Variants in SDK1 observed in about 807,000 individuals in gnomAD.
SDK1 encodes the protein protein sidekick-1.
Under a neutral mutation model 245.5 loss-of-function variants are expected in SDK1, and 157 were observed. The ratio of observed to expected loss-of-function variants is 0.64; its 90% CI spans 0.56 to 0.73. The LOEUF is 0.73. Ranked by LOEUF, SDK1 falls within the 30% of genes least tolerant of loss-of-function variation. The pLI is 0.00. For missense variants in SDK1, 3,583 were observed against 3,002.3 expected (o/e 1.19, Z -4.52); for synonymous variants, 1,647 against 1,278.5 (o/e 1.29, Z -6.15).
rs1267031373 is a variant in SDK1, at chr7:3,582,081, TCAGGTAGGCCTGTCTCAGGTAGGTCTCCC to T, written c.299-36998_299-36970del. Among the ~76,000 whole-genome samples the T allele has an allele frequency of 2.1e-5, 3 of 145,510 alleles. No individual in the cohort carries two copies. The East Asian group carries it at 6.1e-4, about 30-fold the overall frequency. ...TAGGCCTGTCTCAGGTAGGTCTCCCTCAGGTAGGCCTGTCTCAGGTAGGTCTCCCTCAGGTAGGCCTGTCTCAGGTAGGT... is the reference window on the plus strand; with the variant it reads ...TAGGCCTGTCTCAGGTAGGTCTCCCTTCAGGTAGGCCTGTCTCAGGTAGGT... On this transcript the variant is annotated intron_variant, in intron 1 of 44. Coordinates refer to ENST00000404826, the MANE Select transcript of SDK1 (RefSeq NM_152744.4).
intron 28 of SDK1, among the ~76,000 whole-genome samples, chr7:4,135,229 G>A (rs1778989664): frequency 6.6e-6 from 1 of 152,184 alleles, no homozygotes; most frequent in Non-Finnish European, 1.5e-5. Context: ...CGCCAGATTT[G>A]GCACCATAAG....
At chr7:3,481,937 C>T (rs1207642862) in intron 1 of SDK1, among the ~76,000 whole-genome samples, 1 of 151,966 alleles carries the variant, frequency 6.6e-6, no homozygotes, top group Admixed American at 6.6e-5. Context: ...ATCAGCCGTC[C>T]TTTATGGAAA....
intron 20 of SDK1, among the ~76,000 whole-genome samples, chr7:4,069,854 C>G (rs1291563586): frequency 2.0e-5 from 3 of 152,178 alleles, no homozygotes; most frequent in Non-Finnish European, 4.4e-5. Flanking sequence ...CGAGGCCTGG[C>G]GATGACAAGG....
chr7:3,876,975 G>A (rs191295917), intron 5 of SDK1, among the ~76,000 whole-genome samples: 1 of 152,318 alleles, frequency 6.6e-6, no homozygotes, highest in Non-Finnish European at 1.5e-5. Context: ...TTTATGCTAA[G>A]ATAAATACCT....
chr7:4,205,886 C>T lies in SDK1; in HGVS notation c.5106C>T (p.Ala1702=). 3 of 1,553,760 alleles carry T rather than the reference C, an allele frequency of 1.9e-6. No individual in the cohort carries two copies. The highest frequency in any genetic ancestry group is 2.6e-6 in the Non-Finnish European group (3 of 1,148,058). The change falls in exon 36 of 45, where the codon GCC becomes GCT. Residue 1702 remains alanine, a synonymous_variant. Transcript: ENST00000404826. Reference sequence around the variant, plus strand: ...GCATTGCTCTTTCCTCAGCCCCGGCCATGGCCCCGCAGAACGTGCAGGTGA... The same window carrying T: ...GCATTGCTCTTTCCTCAGCCCCGGCTATGGCCCCGCAGAACGTGCAGGTGA... ...VEVFVGEAAP[A]MAPQNVQVTP...
At chr7:3,376,161 C>T (rs559760643) in intron 1 of SDK1, among the ~76,000 whole-genome samples, 248 of 152,190 alleles carry the variant, frequency 1.6e-3, no homozygotes, top group African/African-American at 5.8e-3. Flanking sequence ...CATGCCTCTG[C>T]ACTCCAGCCC....
At chr7:3,503,772 A>G (rs2128609087) in intron 1 of SDK1, among the ~76,000 whole-genome samples, 1 of 152,290 alleles carries the variant, frequency 6.6e-6, no homozygotes, top group East Asian at 1.9e-4. Context: ...GTACACTGAA[A>G]ATTTTAAAAT....
At chr7:3,493,916 G>A (rs1036837806) in intron 1 of SDK1, among the ~76,000 whole-genome samples, 3 of 152,238 alleles carry the variant, frequency 2.0e-5, no homozygotes, top group African/African-American at 2.4e-5. Context: ...ATCAATTCAA[G>A]CAGCTCACAA....
At chr7:4,192,749 C>T (rs532790862) in intron 35 of SDK1, among the ~76,000 whole-genome samples, 17 of 152,054 alleles carry the variant, frequency 1.1e-4, no homozygotes, top group East Asian at 5.8e-4. Context: ...CTCCAAGACC[C>T]GCCCGTGTCG....
intron 4 of SDK1, among the ~76,000 whole-genome samples, chr7:3,654,602 T>A (rs928101495): frequency 1.3e-5 from 2 of 152,164 alleles, no homozygotes; most frequent in Admixed American, 1.3e-4. Flanking sequence ...AAGTGTCTTC[T>A]CTTTTGGTGA....
At chr7:3,918,841 G>T (rs749011357) in intron 5 of SDK1, among the ~76,000 whole-genome samples, 7 of 151,902 alleles carry the variant, frequency 4.6e-5, no homozygotes, top group Non-Finnish European at 7.4e-5. Context: ...TCCTCTGACG[G>T]TTTCCCACAT....
intron 1 of SDK1, among the ~76,000 whole-genome samples, chr7:3,389,668 G>C (rs893529754): frequency 6.6e-6 from 1 of 152,240 alleles, no homozygotes; most frequent in Non-Finnish European, 1.5e-5. Flanking sequence ...AGGAGGCTGA[G>C]GCAGGGGAAT....
intron 4 of SDK1, among the ~76,000 whole-genome samples, chr7:3,763,850 T>C (rs1780175736): frequency 6.6e-6 from 1 of 152,152 alleles, no homozygotes; most frequent in Non-Finnish European, 1.5e-5. Context: ...CAAACTAACA[T>C]ATAAATGCTC....
At chr7:3,470,607 C>T (rs1217797529) in intron 1 of SDK1, among the ~76,000 whole-genome samples, 3 of 152,024 alleles carry the variant, frequency 2.0e-5, no homozygotes, top group African/African-American at 7.2e-5. Flanking sequence ...CTTATTATGA[C>T]TTTGGCAGTA....
intron 27 of SDK1, among the ~76,000 whole-genome samples, chr7:4,131,994 C>T (rs1784858677): frequency 6.6e-6 from 1 of 152,164 alleles, no homozygotes; most frequent in African/African-American, 2.4e-5. Context: ...GATGTTTGCT[C>T]TCAGAGTCAT....
At chr7:4,199,881 GA>G (rs1460142579) in intron 35 of SDK1, among the ~76,000 whole-genome samples, 1 of 152,110 alleles carries the variant, frequency 6.6e-6, no homozygotes, top group Non-Finnish European at 1.5e-5. Flanking sequence ...CACAGTTCTA[GA>G]ATTCTGTCAT....
At chr7:3,781,124 G>A (rs2115012065) in intron 4 of SDK1, among the ~76,000 whole-genome samples, 1 of 152,080 alleles carries the variant, frequency 6.6e-6, no homozygotes, top group African/African-American at 2.4e-5. Flanking sequence ...ATTTCCTAAG[G>A]AACATAGCCT....
At chr7:3,458,572 T>C (rs539260870) in intron 1 of SDK1, among the ~76,000 whole-genome samples, 2 of 152,170 alleles carry the variant, frequency 1.3e-5, no homozygotes, top group South Asian at 4.2e-4. Context: ...AAGGTAACAG[T>C]TGTGGCAAGA....
chr7:3,901,740 G>A (rs147556704), intron 5 of SDK1, among the ~76,000 whole-genome samples: 4 of 152,254 alleles, frequency 2.6e-5, no homozygotes, highest in African/African-American at 9.6e-5. Flanking sequence ...CTATTACCAC[G>A]ATGTTTGTGT....
Sources: gnomAD v4.1 joint callset for allele counts (sites outside exome capture counted in the v4.1 genomes callset) on GRCh38, gnomAD v4.1.1 for gene constraint, MANE v1.5 for transcripts, NCBI Gene and HGNC (gene_info 2026-07-23, HGNC 2026-07-21) for gene names.